AP1G1: variants seen among roughly 807,000 people sequenced by gnomAD.
The protein encoded by AP1G1 is adaptor related protein complex 1 subunit gamma 1.
In AP1G1, 7 loss-of-function variants were observed where a neutral mutation model predicts 108.3. That is an observed-to-expected ratio of 0.06 (90% CI 0.04 to 0.12). The LOEUF is 0.12. Ranked by LOEUF, AP1G1 falls within the 10% of genes least tolerant of loss-of-function variation. AP1G1 has a pLI of 1.00. For missense variants in AP1G1, 756 were observed against 1,010.7 expected (o/e 0.75, Z 3.42); for synonymous variants, 379 against 353.5 (o/e 1.07, Z -0.81).
intron 12 of AP1G1, 108 bp downstream of exon 12, chr16:71,755,911 T>TG: frequency 8.0e-7 from 1 of 1,246,954 alleles, no homozygotes; most frequent in Non-Finnish European, 1.1e-6. Context: ...CCCAAACTGC[T>TG]GAGACTGCAG....
intron 1 of AP1G1, 124 bp downstream of exon 1, chr16:71,808,625 GCTTCTCTGTCTTCT>G (rs1327208799): frequency 7.8e-7 from 1 of 1,289,716 alleles, no homozygotes; most frequent in South Asian, 1.2e-5. Flanking sequence ...TCCTGGCCCA[GCTTCTCTGTCTTCT>G]CTTCTCAACA....
chr16:71,777,469 G>C, intron 2 of AP1G1: 2 of 215,162 alleles, frequency 9.3e-6, no homozygotes, highest in Non-Finnish European at 2.0e-5. Context: ...GAAAGCTGGG[G>C]AGAAAGAAGA....
At chr16:71,739,585 C>CA (rs934451623) in intron 19 of AP1G1, among the ~76,000 whole-genome samples, 16 of 149,458 alleles carry the variant, frequency 1.1e-4, no homozygotes, top group Admixed American at 2.0e-4. Context: ...CCTGTCTCTA[C>CA]AAAAAAAAAT....
intron 12 of AP1G1, among the ~76,000 whole-genome samples, chr16:71,754,555 G>C (rs2030678713): frequency 6.6e-6 from 1 of 152,168 alleles, no homozygotes; most frequent in African/African-American, 2.4e-5. Context: ...CCAGTACTTT[G>C]GGACGCCAAG....
intron 19 of AP1G1, chr16:71,743,112 G>C (rs1270138357): frequency 2.6e-5 from 4 of 152,146 alleles, no homozygotes; most frequent in Non-Finnish European, 5.9e-5. Context: ...TAACATATTA[G>C]GTGAAGTATA....
chr16:71,761,816 C>CAAAAAA (rs375647068), intron 9 of AP1G1, among the ~76,000 whole-genome samples: 6 of 44,792 alleles, frequency 1.3e-4, no homozygotes, highest in Admixed American at 8.3e-4. Flanking sequence ...GACTCCATCT[C>CAAAAAA]AAAAAAAAAA....
Position 71,732,845 on chromosome 16 carries a change from TC to T in AP1G1, c.*212del. The T allele has an allele frequency of 2.1e-6, 1 of 486,620 alleles. No homozygotes were observed. Among genetic ancestry groups the T allele is most frequent in the Non-Finnish European group, 3.7e-6 (1 of 273,912 alleles). 30.1% of individuals were successfully genotyped at this position (486,620 alleles called of 1,614,324 possible). ...AGAAGAGGAAGAGTGCAAAGTAGCC[TC>T]CAGAAGCAGCCAGCCTCAACAGTGG... is the stretch of plus-strand genomic sequence containing the variant. On this transcript the variant is annotated 3_prime_UTR_variant, in exon 23 of 23. Coordinates refer to ENST00000299980, the MANE Select transcript of AP1G1 (RefSeq NM_001128.6).
At chr16:71,802,147 A>C (rs1011909530) in intron 1 of AP1G1, among the ~76,000 whole-genome samples, 6 of 152,210 alleles carry the variant, frequency 3.9e-5, no homozygotes, top group African/African-American at 1.4e-4. Context: ...TGTACAACTC[A>C]AAGTAAAAGG....
At chr16:71,806,663 A>C in intron 1 of AP1G1, 1 of 1,274,684 alleles carries the variant, frequency 7.8e-7, no homozygotes, top group Non-Finnish European at 1.0e-6. Flanking sequence ...ACATTTCAGT[A>C]GTAACTGCGA....
intron 9 of AP1G1, among the ~76,000 whole-genome samples, chr16:71,763,531 T>C (rs1473392501): frequency 6.6e-6 from 1 of 152,096 alleles, no homozygotes; most frequent in African/African-American, 2.4e-5. Context: ...TTTATCACAA[T>C]TAAGAAAAAA....
chr16:71,769,525 T>C (rs1374705449), intron 6 of AP1G1, 98 bp downstream of exon 6: 1 of 1,188,638 alleles, frequency 8.4e-7, no homozygotes, highest in South Asian at 1.2e-5. Flanking sequence ...TTCAGATCCA[T>C]AGCTTGCTTT....
Position 71,753,308 on chromosome 16 carries a change from C to G in AP1G1, c.1284+525G>C, listed in dbSNP as rs147014693. On this transcript the variant is annotated intron_variant, in intron 13 of 22. Transcript: ENST00000299980. ...TGAGTAACTTTAGCCATTCAAAACC[C>G]TGCAATGGCTTCCTAACATATTCAA... 2.8e-4 allele frequency among the ~76,000 whole-genome samples: 43 copies of G among 152,294 alleles called. No individual in the cohort carries two copies. In the East Asian group the frequency reaches 7.3e-3, roughly 26 times the overall value.
rs1567646161 is a variant in AP1G1 at position 71,753,829 on chromosome 16, T to C, written c.1284+4A>G. 1 of 1,613,552 alleles carries C rather than the reference T, an allele frequency of 6.2e-7. No individual in the cohort carries two copies. The highest frequency in any genetic ancestry group is 8.5e-7 in the Non-Finnish European group (1 of 1,179,450). On this transcript the variant is annotated splice_donor_region_variant and intron_variant, in intron 13 of 22. Transcript: ENST00000299980. ...GTATATGCTGTCTGAAAGAAGCTAC[T>C]TACCGTTGTCAAAACACGCATAATT...
chr16:71,777,256 G>A (rs922576238), intron 2 of AP1G1, among the ~76,000 whole-genome samples: 10 of 151,016 alleles, frequency 6.6e-5, no homozygotes, highest in South Asian at 2.1e-4. Context: ...GGATAGGGAT[G>A]AGGCAGGACA....
chr16:71,792,861 G>GA (rs377287803), intron 1 of AP1G1, among the ~76,000 whole-genome samples: 89 of 144,602 alleles, frequency 6.2e-4, no homozygotes, highest in African/African-American at 2.0e-3. Flanking sequence ...CAAAAAGAAA[G>GA]AAAAAAAAAA....
chr16:71,771,268 T>G lies in AP1G1; in HGVS notation c.469-16A>C, dbSNP rs371228185. ...ACAGTGCTGCCTATGAAAAAAAAAA[T>G]AAAAGAACAAAAGGTTTATTTCAAT... On this transcript the variant is annotated splice_polypyrimidine_tract_variant and intron_variant, in intron 4 of 22. Transcript: ENST00000299980. 2.0e-5 allele frequency: 28 copies of G among 1,370,930 alleles called. No homozygotes were observed. In the South Asian group the frequency reaches 2.7e-4, roughly 13 times the overall value. The allele number at this position is 1,370,930 out of a possible 1,614,324, so 84.9% of individuals were successfully genotyped here. A position where few individuals can be genotyped will look rare whatever the true frequency, so the allele number is the denominator to read the frequency against.
At chr16:71,794,233 A>G (rs1453202998) in intron 1 of AP1G1, among the ~76,000 whole-genome samples, 1 of 152,154 alleles carries the variant, frequency 6.6e-6, no homozygotes, top group Non-Finnish European at 1.5e-5. Flanking sequence ...AAAGTCTACC[A>G]CTATGATTGT....
chr16:71,778,918 GTAACAATCTCAAATATTTCAAT>G (rs2031895443), intron 2 of AP1G1, among the ~76,000 whole-genome samples: 2 of 152,102 alleles, frequency 1.3e-5, no homozygotes. Flanking sequence ...TGCCCCTTAG[GTAACAATCTCAAATATTTCAAT>G]GGAGTACTAC....
intron 1 of AP1G1, chr16:71,806,599 T>A (rs923667381): frequency 1.2e-6 from 1 of 815,250 alleles, no homozygotes; most frequent in Non-Finnish European, 1.7e-6. Flanking sequence ...TTAACTAACA[T>A]CTATGTGATA....
Sources: allele counts gnomAD v4.1 joint callset (sites outside exome capture counted in the v4.1 genomes callset), GRCh38; gene constraint gnomAD v4.1.1; transcripts MANE v1.5; gene names NCBI Gene and HGNC (gene_info 2026-07-23, HGNC 2026-07-21).